The following CCND2 variants were observed in gnomAD, a reference collection of about 807,000 sequenced individuals.
CCND2 encodes the protein G1/S-specific cyclin-D2.
Under a neutral mutation model 30.2 loss-of-function variants are expected in CCND2, and 6 were observed. The observed-to-expected ratio is 0.20, with a 90% CI of 0.11 to 0.39. The LOEUF (loss-of-function observed/expected upper bound fraction) is 0.39, where lower values mean the gene tolerates loss of function less well. Among genes scored for constraint, CCND2 ranks in the 10% least tolerant of loss-of-function variants. CCND2 has a pLI of 1.00. For missense variants in CCND2, 235 were observed against 373.4 expected (o/e 0.63, Z 3.06); for synonymous variants, 150 against 153.1 (o/e 0.98, Z 0.15).
At chr12:4,296,755 C>T (rs1188521194) in intron 4 of CCND2, among the ~76,000 whole-genome samples, 1 of 151,964 alleles carries the variant, frequency 6.6e-6, no homozygotes, top group Admixed American at 6.5e-5. Context: ...TCTCAAGTCC[C>T]TGTACAGTGG....
Position 4,303,845 on chromosome 12 carries a change from C to A in CCND2, c.*3836C>A. ...GCCTTACTACTGGGTCATCCTTGGT[C>A]TATGTGCTCTGTACTGGAGGCTCTG... On this transcript the variant is annotated 3_prime_UTR_variant, in exon 5 of 5. Transcript: ENST00000261254. This position sits in a 1 kb window ranked among gnomAD's most constrained non-coding sequence, Gnocchi z 4.6. The A allele has an allele frequency of 4.3e-6, 1 of 233,270 alleles. No homozygotes were observed. Among genetic ancestry groups the A allele is most frequent in the Non-Finnish European group, 8.5e-6 (1 of 118,052 alleles). The allele number at this position is 233,270 out of a possible 1,614,324, so 14.5% of individuals were successfully genotyped here.
In CCND2 at chr12:4,275,984, CCTTT is replaced by C; in HGVS notation, c.196-19_196-16del. 3.4e-6 allele frequency: 5 copies of C among 1,472,394 alleles called. No homozygotes were observed. The highest frequency in any genetic ancestry group is 4.7e-6 in the Non-Finnish European group (5 of 1,074,872). The allele number at this position is 1,472,394 out of a possible 1,614,324, so 91.2% of individuals were successfully genotyped here. On this transcript the variant is annotated splice_polypyrimidine_tract_variant and intron_variant, in intron 1 of 4. Transcript: ENST00000261254. ...ATGCTCTCCACCCCCGCCCCCCAAC[CCTTT>C]CCCACTCCCATTATAGGTCTGTGAG...
At position 4,296,126 on chromosome 12, in the gene CCND2, A is replaced by G. The variant is rs377071471; in HGVS notation, c.721-3734A>G. On this transcript the variant is annotated intron_variant, in intron 4 of 4. Transcript: ENST00000261254. ...TGGGAACTCCAAAGGGAAGACGCGC[A>G]TGGCCTGAAACCGAGTTCTTTCGCT... 4.1e-4 allele frequency among the ~76,000 whole-genome samples: 62 copies of G among 152,332 alleles called. No individual in the cohort carries two copies. The South Asian group carries it at 0.012, about 31-fold the overall frequency.
In CCND2 at chr12:4,285,232, G is replaced by T. The variant is rs369983143; in HGVS notation, c.572-3610G>T. ...GGAGCACATTGTCATGAGTCGATCA[G>T]AATGGATCGCTGATCGGTTCATTGC... On this transcript the variant is annotated intron_variant, in intron 3 of 4. Coordinates refer to ENST00000261254, the MANE Select transcript of CCND2 (RefSeq NM_001759.4). The surrounding 1 kb of genome is among the most constrained non-coding windows in gnomAD (Gnocchi z 4.1). 1.0e-6 allele frequency: 1 copy of T among 959,004 alleles called. No homozygotes were observed. The highest frequency in any genetic ancestry group is 1.2e-6 in the Non-Finnish European group (1 of 805,874). 59.4% of individuals were successfully genotyped at this position (959,004 alleles called of 1,614,324 possible). A position where few individuals can be genotyped will look rare whatever the true frequency, so the allele number is the denominator to read the frequency against.
chr12:4,281,139 T>C (rs749289670), intron 3 of CCND2, among the ~76,000 whole-genome samples: 2 of 152,102 alleles, frequency 1.3e-5, no homozygotes, highest in South Asian at 2.1e-4. Context: ...CACATGAAAA[T>C]GGTGTGCTAG....
intron 4 of CCND2, chr12:4,297,867 T>G (rs1465473572): frequency 2.2e-6 from 1 of 452,352 alleles, no homozygotes; most frequent in African/African-American, 2.0e-5. Context: ...CATTTCAGCC[T>G]CGTTCAGGGT....
At chr12:4,277,439 G>T (rs1209964320) in intron 2 of CCND2, among the ~76,000 whole-genome samples, 1 of 152,218 alleles carries the variant, frequency 6.6e-6, no homozygotes, top group Non-Finnish European at 1.5e-5. Flanking sequence ...AGCTTATGAA[G>T]AAAACATTGT....
chr12:4,293,885 G>A lies in CCND2; in HGVS notation c.720+4895G>A, dbSNP rs576781702. Among the ~76,000 whole-genome samples, 1 of 152,268 alleles carries A rather than the reference G, an allele frequency of 6.6e-6. No homozygotes were observed. The highest frequency in any genetic ancestry group is 1.9e-4 in the East Asian group (1 of 5,184). ...TGAAGTGTTGCTGGAAGCTGGGGGT[G>A]GGGAGGTGGAATAGAATCGGGGGCT... On this transcript the variant is annotated intron_variant, in intron 4 of 4. Transcript: ENST00000261254. This position sits in a 1 kb window ranked among gnomAD's most constrained non-coding sequence, Gnocchi z 4.9.
intron 3 of CCND2, among the ~76,000 whole-genome samples, chr12:4,281,081 G>C (rs1032748973): frequency 6.6e-6 from 1 of 152,124 alleles, no homozygotes; most frequent in Non-Finnish European, 1.5e-5. Flanking sequence ...GTGTTTTGGG[G>C]GCCTTGAACT....
rs1864122138 is a variant in CCND2, at chr12:4,293,070, T to C, written c.720+4080T>C. On this transcript the variant is annotated intron_variant, in intron 4 of 4. Transcript: ENST00000261254. This position sits in a 1 kb window ranked among gnomAD's most constrained non-coding sequence, Gnocchi z 4.9. ...GGAGCAAAGGACAAAGGCAGGCAGA[T>C]GGGTTTCCAGTGGGTTTCCGATTCA... Among the ~76,000 whole-genome samples the C allele has an allele frequency of 6.6e-6, 1 of 152,236 alleles. No individual in the cohort carries two copies. Among genetic ancestry groups the C allele is most frequent in the East Asian group, 1.9e-4 (1 of 5,198 alleles).
chr12:4,278,610 C>G, intron 2 of CCND2, 150 bp from the exon 3 acceptor site: 1 of 601,898 alleles, frequency 1.7e-6, no homozygotes, highest in Non-Finnish European at 2.9e-6. Flanking sequence ...GCTTCAGGGG[C>G]ACATTGACAA....
At position 4,285,078 on chromosome 12, in the gene CCND2, C is replaced by T. The variant is rs2120550120; in HGVS notation, c.572-3764C>T. ...TTGAGAAGTTTCTTCAGAAGTTATC[C>T]ATATAGTAGTACAGACCTAGCCATT... On this transcript the variant is annotated intron_variant, in intron 3 of 4. Coordinates refer to ENST00000261254, the MANE Select transcript of CCND2 (RefSeq NM_001759.4). This position sits in a 1 kb window ranked among gnomAD's most constrained non-coding sequence, Gnocchi z 4.1. Among the ~76,000 whole-genome samples the T allele has an allele frequency of 6.6e-6, 1 of 152,246 alleles. No homozygotes were observed. Among genetic ancestry groups the T allele is most frequent in the Middle Eastern group, 3.4e-3 (1 of 294 alleles).
rs1052971704 is a variant in CCND2, at chr12:4,301,145, G to C, written c.*1136G>C. The C allele has an allele frequency of 4.3e-6, 1 of 233,310 alleles. No individual in the cohort carries two copies. The highest frequency in any genetic ancestry group is 8.5e-6 in the Non-Finnish European group (1 of 118,014). The allele number at this position is 233,310 out of a possible 1,614,324, so 14.5% of individuals were successfully genotyped here. ...GTACACAGTTCTGGTGTTCCTACCA[G>C]GACTCAAGAGACACCCCTTCCTGCT... On this transcript the variant is annotated 3_prime_UTR_variant, in exon 5 of 5. Coordinates refer to ENST00000261254, the MANE Select transcript of CCND2 (RefSeq NM_001759.4).
rs3217853 is a variant in CCND2 at position 4,289,108 on chromosome 12, G to A, written c.720+118G>A. ...TTTTTCTGGTTTGTTTCCTAAGATC[G>A]ACATCCAAGGGAGTGCAAAGTTCAG... On this transcript the variant is annotated intron_variant, in intron 4 of 4. Transcript: ENST00000261254. 7.2e-5 allele frequency: 70 copies of A among 971,116 alleles called. No homozygotes were observed. The Admixed American group carries it at 2.2e-3, about 30-fold the overall frequency. 60.2% of individuals were successfully genotyped at this position (971,116 alleles called of 1,614,324 possible).
In CCND2 at chr12:4,297,098, C is replaced by G. The variant is rs145360297; in HGVS notation, c.721-2762C>G. Among the ~76,000 whole-genome samples the G allele has an allele frequency of 2.7e-3, 408 of 152,348 alleles. 1 individual carries two copies. The highest frequency in any genetic ancestry group is 4.4e-3 in the Non-Finnish European group (298 of 68,040). ...TAGAAGAAAAACTGATGGTATGAGA[C>G]TTGCCATTCCTCTCTGATGTAGAAC... is the stretch of plus-strand genomic sequence containing the variant. On this transcript the variant is annotated intron_variant, in intron 4 of 4. Coordinates refer to ENST00000261254, the MANE Select transcript of CCND2 (RefSeq NM_001759.4).
At position 4,304,813 on chromosome 12, in the gene CCND2, T is replaced by A. The variant is rs959607522; in HGVS notation, c.*4804T>A. 4.3e-6 allele frequency: 1 copy of A among 233,570 alleles called. No individual in the cohort carries two copies. The highest frequency in any genetic ancestry group is 2.2e-5 in the African/African-American group (1 of 45,334). The allele number at this position is 233,570 out of a possible 1,614,324, so 14.5% of individuals were successfully genotyped here. ...CTGTCCTTGAAAAACAAAGTTTCTA[T>A]TTTTATTTTTAATTGGTTTAGTTCT... On this transcript the variant is annotated 3_prime_UTR_variant, in exon 5 of 5. Transcript: ENST00000261254. The surrounding 1 kb of genome is among the most constrained non-coding windows in gnomAD (Gnocchi z 6.2).
In CCND2 at chr12:4,299,738, A is replaced by G. The variant is rs1254813524; in HGVS notation, c.721-122A>G. The G allele has an allele frequency of 2.0e-6, 2 of 999,870 alleles. No individual in the cohort carries two copies. The highest frequency in any genetic ancestry group is 3.2e-5 in the African/African-American group (2 of 62,582). The allele number at this position is 999,870 out of a possible 1,614,324, so 61.9% of individuals were successfully genotyped here. A position where few individuals can be genotyped will look rare whatever the true frequency, so the allele number is the denominator to read the frequency against. ...TTTAAGAACATCCCTCCTTTACTTC[A>G]CATTTATTTCTACTGGAAACTAGCA... On this transcript the variant is annotated intron_variant, in intron 4 of 4. Coordinates refer to ENST00000261254, the MANE Select transcript of CCND2 (RefSeq NM_001759.4). This position sits in a 1 kb window ranked among gnomAD's most constrained non-coding sequence, Gnocchi z 5.2.
chr12:4,283,926 T>G (rs1473663040), intron 3 of CCND2, among the ~76,000 whole-genome samples: 3 of 152,232 alleles, frequency 2.0e-5, no homozygotes, highest in African/African-American at 7.2e-5. Context: ...CAGGAGGCTT[T>G]GGGGACTCGA....
Position 4,287,227 on chromosome 12 carries a change from G to A in CCND2, c.572-1615G>A, listed in dbSNP as rs1477520797. On this transcript the variant is annotated intron_variant, in intron 3 of 4. Coordinates refer to ENST00000261254, the MANE Select transcript of CCND2 (RefSeq NM_001759.4). This position sits in a 1 kb window ranked among gnomAD's most constrained non-coding sequence, Gnocchi z 4.0. ...AGGCAGATGGCCAGGTTTGCTCTGCGTTCATGATGGGAGGGGAGGGCTGTG... is the reference window on the plus strand; with the variant it reads ...AGGCAGATGGCCAGGTTTGCTCTGCATTCATGATGGGAGGGGAGGGCTGTG... Among the ~76,000 whole-genome samples the A allele has an allele frequency of 1.3e-5, 2 of 152,152 alleles. No individual in the cohort carries two copies. Among genetic ancestry groups the A allele is most frequent in the Admixed American group, 6.5e-5 (1 of 15,282 alleles).
Sources: gnomAD v4.1 joint callset for allele counts (sites outside exome capture counted in the v4.1 genomes callset) on GRCh38, gnomAD v4.1.1 for gene constraint, Gnocchi (gnomAD v3.1) non-coding constraint, MANE v1.5 for transcripts, NCBI Gene and HGNC (gene_info 2026-07-23, HGNC 2026-07-21) for gene names.